IQCJ: variants seen among roughly 807,000 people sequenced by gnomAD.
IQCJ encodes the protein IQ domain-containing protein J.
A neutral mutation model predicts 11.0 loss-of-function variants in IQCJ; 9 were observed. The observed-to-expected ratio is 0.82, with a 90% CI of 0.49 to 1.43. The LOEUF is 1.43. IQCJ is among the 40% of genes most tolerant of loss of function. The pLI is 0.00. For missense variants in IQCJ, 146 were observed against 133.2 expected (o/e 1.10, Z -0.47); for synonymous variants, 55 against 51.3 (o/e 1.07, Z -0.31).
At chr3:159,174,409 A>G (rs1253445320) in intron 1 of IQCJ, among the ~76,000 whole-genome samples, 1 of 152,182 alleles carries the variant, frequency 6.6e-6, no homozygotes, top group Non-Finnish European at 1.5e-5. Context: ...TCCACTTAAA[A>G]AATTAATGTA....
At chr3:159,256,989 T>G (rs1727932829) in intron 3 of IQCJ, among the ~76,000 whole-genome samples, 1 of 152,200 alleles carries the variant, frequency 6.6e-6, no homozygotes, top group Non-Finnish European at 1.5e-5. Context: ...GGGAGGCCAG[T>G]GTGTTTAGTA....
At chr3:159,193,813 T>G (rs143071337) in intron 1 of IQCJ, among the ~76,000 whole-genome samples, 398 of 152,308 alleles carry the variant, frequency 2.6e-3, no homozygotes, top group African/African-American at 9.1e-3. Flanking sequence ...TGGTCAGCAG[T>G]GAAATCTAGA....
At chr3:159,210,771 A>G (rs980018393) in intron 1 of IQCJ, among the ~76,000 whole-genome samples, 7 of 152,088 alleles carry the variant, frequency 4.6e-5, no homozygotes, top group African/African-American at 1.4e-4. Flanking sequence ...CCCGGATTCC[A>G]GTGATTCTCC....
chr3:159,104,516 A>G (rs1247186933), intron 1 of IQCJ, among the ~76,000 whole-genome samples: 1 of 152,174 alleles, frequency 6.6e-6, no homozygotes, highest in Non-Finnish European at 1.5e-5. Flanking sequence ...TTAAATATCT[A>G]TTCATGTATG....
intron 1 of IQCJ, among the ~76,000 whole-genome samples, chr3:159,111,434 C>T (rs1212375014): frequency 6.6e-6 from 1 of 152,044 alleles, no homozygotes; most frequent in Non-Finnish European, 1.5e-5. Flanking sequence ...ACCGGTATTT[C>T]TCAAACTGAT....
intron 1 of IQCJ, among the ~76,000 whole-genome samples, chr3:159,215,813 T>G (rs1577086557): frequency 1.3e-5 from 2 of 152,028 alleles, no homozygotes; most frequent in African/African-American, 4.8e-5. Flanking sequence ...AATGCATTAT[T>G]TTTTTAGTGA....
intron 1 of IQCJ, among the ~76,000 whole-genome samples, chr3:159,232,410 A>C (rs950552000): frequency 3.4e-5 from 5 of 148,940 alleles, no homozygotes; most frequent in Non-Finnish European, 7.4e-5. Flanking sequence ...ATTCAGGAGC[A>C]GGTTGTTCAG....
chr3:159,218,907 A>G (rs958326451), intron 1 of IQCJ, among the ~76,000 whole-genome samples: 1 of 152,068 alleles, frequency 6.6e-6, no homozygotes, highest in African/African-American at 2.4e-5. Context: ...GAGAGAATCA[A>G]TTCACTCGTT....
intron 1 of IQCJ, among the ~76,000 whole-genome samples, chr3:159,147,743 C>T (rs1219680956): frequency 1.3e-5 from 2 of 152,158 alleles, no homozygotes; most frequent in Non-Finnish European, 2.9e-5. Flanking sequence ...AATATATGAA[C>T]TCTGTATGGT....
chr3:159,090,024 C>T lies in IQCJ; in HGVS notation c.9+20583C>T, dbSNP rs968413523. ...CTTTTTAGAGTTTCCAGTTTTTCTG[C>T]TCGGTTTTTTCCCCATCTTTGTGGT... On this transcript the variant is annotated intron_variant, in intron 1 of 3. Coordinates refer to ENST00000397832, the MANE Select transcript of IQCJ (RefSeq NM_001042706.3). Among the ~76,000 whole-genome samples the T allele has an allele frequency of 2.2e-4, 34 of 151,682 alleles. 1 individual carries two copies. Among genetic ancestry groups the T allele is most frequent in the Non-Finnish European group, 3.2e-4 (22 of 68,016 alleles).
chr3:159,138,937 C>T (rs1482076639), intron 1 of IQCJ, among the ~76,000 whole-genome samples: 1 of 152,126 alleles, frequency 6.6e-6, no homozygotes, highest in Non-Finnish European at 1.5e-5. Context: ...AGTTATTTGC[C>T]TACAACAGTG....
At chr3:159,260,304 T>A (rs1162308462) in intron 3 of IQCJ, among the ~76,000 whole-genome samples, 3 of 152,160 alleles carry the variant, frequency 2.0e-5, no homozygotes, top group African/African-American at 7.2e-5. Context: ...GCCACTATAT[T>A]TTGTTTTTGT....
chr3:159,256,934 G>T (rs1286897005), intron 3 of IQCJ, among the ~76,000 whole-genome samples: 1 of 152,088 alleles, frequency 6.6e-6, no homozygotes, highest in Non-Finnish European at 1.5e-5. Flanking sequence ...TCTTGCAGGG[G>T]TTACAAAGAA....
At chr3:159,160,058 A>G (rs1489809230) in intron 1 of IQCJ, among the ~76,000 whole-genome samples, 1 of 152,194 alleles carries the variant, frequency 6.6e-6, no homozygotes, top group Admixed American at 6.5e-5. Flanking sequence ...CATGGTCTTC[A>G]TCAAATGGCT....
intron 1 of IQCJ, among the ~76,000 whole-genome samples, chr3:159,074,035 T>C (rs1013101379): frequency 6.6e-6 from 1 of 152,120 alleles, no homozygotes; most frequent in Non-Finnish European, 1.5e-5. Flanking sequence ...CACTGAAATT[T>C]GGAGAATATA....
chr3:159,170,773 A>G (rs1477750956), intron 1 of IQCJ, among the ~76,000 whole-genome samples: 2 of 152,070 alleles, frequency 1.3e-5, no homozygotes, highest in African/African-American at 4.8e-5. Context: ...CTCCTCAGAC[A>G]TCCCATGCAT....
intron 2 of IQCJ, among the ~76,000 whole-genome samples, chr3:159,246,304 G>A (rs539547756): frequency 6.6e-6 from 1 of 152,212 alleles, no homozygotes; most frequent in East Asian, 1.9e-4. Context: ...GGACAAAACT[G>A]AGCTAAAATA....
intron 1 of IQCJ, among the ~76,000 whole-genome samples, chr3:159,213,302 G>C (rs965636451): frequency 4.6e-5 from 7 of 152,190 alleles, no homozygotes; most frequent in Non-Finnish European, 7.3e-5. Flanking sequence ...TCAAGGTGGA[G>C]CCACTTTTGT....
chr3:159,116,696 T>A (rs1719043479), intron 1 of IQCJ, among the ~76,000 whole-genome samples: 2 of 140,840 alleles, frequency 1.4e-5, no homozygotes, highest in Non-Finnish European at 3.1e-5. Flanking sequence ...TTTTCTCATC[T>A]GCTCTCTTTT....
Sources: gnomAD v4.1 joint callset for allele counts (sites outside exome capture counted in the v4.1 genomes callset) on GRCh38, gnomAD v4.1.1 for gene constraint, MANE v1.5 for transcripts, NCBI Gene and HGNC (gene_info 2026-07-23, HGNC 2026-07-21) for gene names.